The following CWC27 variants were observed in gnomAD, a reference collection of about 807,000 sequenced individuals.
The protein encoded by CWC27 is spliceosome-associated protein CWC27 homolog.
In CWC27, 47 loss-of-function variants were observed where a neutral mutation model predicts 63.6. The observed-to-expected ratio is 0.74, with a 90% CI of 0.58 to 0.94. The LOEUF (loss-of-function observed/expected upper bound fraction) is 0.94, where lower values mean the gene tolerates loss of function less well. CWC27 is among the 40% of genes least tolerant of loss of function. The pLI is 0.00. For missense variants in CWC27, 495 were observed against 554.3 expected (o/e 0.89, Z 1.07); for synonymous variants, 175 against 179.8 (o/e 0.97, Z 0.22).
intron 10 of CWC27, among the ~76,000 whole-genome samples, chr5:64,865,770 A>G (rs773946446): frequency 9.9e-5 from 15 of 152,098 alleles, no homozygotes; most frequent in Non-Finnish European, 2.1e-4. Flanking sequence ...AAATGAGCAA[A>G]GAAGAGTCAC....
chr5:64,961,431 A>G (rs1365958235), intron 11 of CWC27, among the ~76,000 whole-genome samples: 1 of 151,840 alleles, frequency 6.6e-6, no homozygotes, highest in African/African-American at 2.4e-5. Context: ...TCCTATTTTT[A>G]TCTCATACAT....
intron 11 of CWC27, among the ~76,000 whole-genome samples, chr5:64,925,596 A>T (rs2112395670): frequency 6.6e-6 from 1 of 152,364 alleles, no homozygotes; most frequent in Non-Finnish European, 1.5e-5. Context: ...CGTGCCATTT[A>T]TCAAGCCAAA....
At chr5:64,961,252 A>G (rs1016961644) in intron 11 of CWC27, among the ~76,000 whole-genome samples, 1 of 152,214 alleles carries the variant, frequency 6.6e-6, no homozygotes, top group Non-Finnish European at 1.5e-5. Flanking sequence ...CACATGAGAC[A>G]CTAGCTAAGT....
chr5:64,910,610 T>C (rs1003006498), intron 11 of CWC27, among the ~76,000 whole-genome samples: 10 of 152,172 alleles, frequency 6.6e-5, no homozygotes, highest in Non-Finnish European at 1.2e-4. Flanking sequence ...CTCCACCCAG[T>C]TCAAGCTTCT....
chr5:64,974,086 AAAAT>A (rs1165574571), intron 12 of CWC27, among the ~76,000 whole-genome samples: 2 of 151,922 alleles, frequency 1.3e-5, no homozygotes, highest in East Asian at 3.9e-4. Context: ...AAAAAAAAAA[AAAAT>A]AGTTTGGCAA....
Position 64,877,232 on chromosome 5 carries a change from A to T in CWC27, c.939-8211A>T, listed in dbSNP as rs1334973370. On this transcript the variant is annotated intron_variant, in intron 10 of 13. Coordinates refer to ENST00000381070, the MANE Select transcript of CWC27 (RefSeq NM_005869.4). ...ATACACAATGGAATATTACTTGGCC[A>T]TAAAAGGATGAAATCCTATCATTTG... 5.9e-5 allele frequency among the ~76,000 whole-genome samples: 9 copies of T among 152,224 alleles called. No homozygotes were observed. The South Asian group carries it at 1.7e-3, about 28-fold the overall frequency.
chr5:64,936,425 C>A (rs116410867), intron 11 of CWC27, among the ~76,000 whole-genome samples: 5,519 of 152,218 alleles, frequency 0.036, 352 homozygotes, highest in African/African-American at 0.13. Context: ...TATGTTGAAC[C>A]AGCCATGCAT....
In CWC27 at chr5:64,826,849, G is replaced by A. The variant is rs563583827; in HGVS notation, c.938+22463G>A. The stretch of plus-strand genomic sequence containing the variant: ...TTTTAGTTGGTAAATTTTCTTGGAC[G>A]TGTCCTCCTTAATTTTCTTCAGAGC... On this transcript the variant is annotated intron_variant, in intron 10 of 13. Coordinates refer to ENST00000381070, the MANE Select transcript of CWC27 (RefSeq NM_005869.4). Among the ~76,000 whole-genome samples the A allele has an allele frequency of 3.3e-5, 5 of 151,800 alleles. No homozygotes were observed. The South Asian group carries it at 1.0e-3, about 32-fold the overall frequency.
chr5:64,976,033 A>T (rs1749222605), intron 12 of CWC27, among the ~76,000 whole-genome samples: 2 of 152,100 alleles, frequency 1.3e-5, no homozygotes, highest in South Asian at 4.1e-4. Flanking sequence ...GCGCCATTGC[A>T]CTCCAGCCTG....
intron 11 of CWC27, among the ~76,000 whole-genome samples, chr5:64,945,703 T>C (rs924316388): frequency 2.6e-5 from 4 of 152,158 alleles, no homozygotes; most frequent in African/African-American, 9.7e-5. Flanking sequence ...TGATAGGACC[T>C]AGATTGCCTG....
At chr5:64,970,958 AGTGTGTGTGTGTGTGTGTGT>A (rs57958257) in intron 11 of CWC27, among the ~76,000 whole-genome samples, 3 of 143,510 alleles carry the variant, frequency 2.1e-5, no homozygotes, top group Non-Finnish European at 4.6e-5. Context: ...AGAGAGAGGG[AGTGTGTGTGTGTGTGTGTGT>A]GTGTGTGTGT....
At chr5:65,000,848 C>A (rs1309853754) in intron 13 of CWC27, among the ~76,000 whole-genome samples, 2 of 151,766 alleles carry the variant, frequency 1.3e-5, no homozygotes, top group African/African-American at 4.8e-5. Flanking sequence ...GATTTTTTTT[C>A]TATTTGTATG....
chr5:64,821,079 CA>C (rs1255094823), intron 10 of CWC27, among the ~76,000 whole-genome samples: 2 of 141,306 alleles, frequency 1.4e-5, no homozygotes, highest in Middle Eastern at 3.6e-3. Flanking sequence ...TATAAGAAAA[CA>C]AAGCAATTTT....
intron 11 of CWC27, among the ~76,000 whole-genome samples, chr5:64,920,118 A>T (rs892932089): frequency 7.9e-5 from 12 of 151,778 alleles, no homozygotes; most frequent in Admixed American, 7.2e-4. Flanking sequence ...GGCACCCGCC[A>T]TCATGCCCAG....
chr5:64,865,307 C>G (rs1746507075), intron 10 of CWC27, among the ~76,000 whole-genome samples: 1 of 151,986 alleles, frequency 6.6e-6, no homozygotes, highest in South Asian at 2.1e-4. Flanking sequence ...GTGGAGTGAG[C>G]CCAAATGGCC....
chr5:64,833,324 C>G (rs901946680), intron 10 of CWC27, among the ~76,000 whole-genome samples: 20 of 151,718 alleles, frequency 1.3e-4, no homozygotes, highest in Admixed American at 9.9e-4. Context: ...ACAGTTCTTT[C>G]TGTATTTTGT....
intron 11 of CWC27, among the ~76,000 whole-genome samples, chr5:64,939,956 C>T (rs1442999922): frequency 6.6e-6 from 1 of 152,222 alleles, no homozygotes; most frequent in Non-Finnish European, 1.5e-5. Context: ...TAATGGTACA[C>T]GTCCCTTCCC....
intron 13 of CWC27, among the ~76,000 whole-genome samples, chr5:65,013,866 T>C (rs1461402910): frequency 3.3e-5 from 5 of 152,162 alleles, no homozygotes; most frequent in African/African-American, 1.2e-4. Flanking sequence ...TTTAAATTCA[T>C]TTAAATCGGA....
intron 11 of CWC27, among the ~76,000 whole-genome samples, chr5:64,967,751 A>G (rs561715467): frequency 6.6e-6 from 1 of 152,162 alleles, no homozygotes; most frequent in South Asian, 2.1e-4. Context: ...ACCTTACGCC[A>G]TATATAAAAA....
Sources: allele counts gnomAD v4.1 joint callset (sites outside exome capture counted in the v4.1 genomes callset), GRCh38; gene constraint gnomAD v4.1.1; transcripts MANE v1.5; gene names NCBI Gene and HGNC (gene_info 2026-07-23, HGNC 2026-07-21).